Variants in FGF12 observed in about 807,000 individuals in gnomAD.
FGF12 encodes the protein fibroblast growth factor 12B.
FGF12 carries 14 observed loss-of-function variants against 23.6 expected under a neutral mutation model. That is an observed-to-expected ratio of 0.59 (90% CI 0.39 to 0.93). The LOEUF (loss-of-function observed/expected upper bound fraction) is 0.93, where lower values mean the gene tolerates loss of function less well. Ranked by LOEUF, FGF12 falls within the 40% of genes least tolerant of loss-of-function variation. FGF12 has a pLI of 0.00. For missense variants in FGF12, 175 were observed against 217.8 expected (o/e 0.80, Z 1.24); for synonymous variants, 62 against 77.3 (o/e 0.80, Z 1.04).
At chr3:192,515,408 G>C (rs1187358395) in intron 2 of FGF12, 2 of 152,978 alleles carry the variant, frequency 1.3e-5, no homozygotes, top group Non-Finnish European at 1.5e-5. Context: ...GAAAGCTCCT[G>C]GGTGCCGGCT....
chr3:192,691,334 A>G (rs1717936919), intron 2 of FGF12, among the ~76,000 whole-genome samples: 1 of 152,148 alleles, frequency 6.6e-6, no homozygotes, highest in East Asian at 1.9e-4. Context: ...CATATTAAGT[A>G]TCTTTTCCAA....
intron 2 of FGF12, among the ~76,000 whole-genome samples, chr3:192,460,515 C>T (rs1333377458): frequency 5.9e-5 from 9 of 151,916 alleles, no homozygotes; most frequent in Admixed American, 4.6e-4. Flanking sequence ...CACATAAGTG[C>T]CTTTAAACCC....
chr3:192,695,730 C>A (rs1214640584), intron 2 of FGF12, among the ~76,000 whole-genome samples: 2 of 151,990 alleles, frequency 1.3e-5, no homozygotes, highest in Non-Finnish European at 2.9e-5. Context: ...GGTTGTTTAC[C>A]CAGCAGACTA....
chr3:192,358,289 T>A (rs1255063843), intron 3 of FGF12, among the ~76,000 whole-genome samples: 3 of 152,004 alleles, frequency 2.0e-5, no homozygotes, highest in African/African-American at 7.2e-5. Context: ...TTAAAGCTAG[T>A]GGTAGGTATC....
Position 192,184,618 on chromosome 3 carries a change from T to G in FGF12, c.229-13962A>C, listed in dbSNP as rs77812999. 3.3e-3 allele frequency among the ~76,000 whole-genome samples: 505 copies of G among 152,322 alleles called. 8 individuals carry two copies. The highest frequency in any genetic ancestry group is 0.031 in the East Asian group (163 of 5,182). On this transcript the variant is annotated intron_variant, in intron 4 of 5. Coordinates refer to ENST00000445105, the MANE Select transcript of FGF12 (RefSeq NM_004113.6). The stretch of plus-strand genomic sequence containing the variant: ...AGGCCAATCCAACTCTGAAAATCAA[T>G]AGCCGTACTGCTACCTAATGATGCT...
At chr3:192,496,875 T>G (rs2108830030) in intron 2 of FGF12, among the ~76,000 whole-genome samples, 1 of 152,338 alleles carries the variant, frequency 6.6e-6, no homozygotes, top group South Asian at 2.1e-4. Context: ...CTTCTGGGTT[T>G]TTGGTAGGAT....
intron 2 of FGF12, among the ~76,000 whole-genome samples, chr3:192,718,725 C>T (rs1392619563): frequency 6.6e-6 from 1 of 152,134 alleles, no homozygotes; most frequent in Non-Finnish European, 1.5e-5. Flanking sequence ...GCACTTTTTT[C>T]CTCTTAGTGC....
At chr3:192,687,575 C>T (rs760022001) in intron 2 of FGF12, among the ~76,000 whole-genome samples, 5 of 152,098 alleles carry the variant, frequency 3.3e-5, no homozygotes, top group Admixed American at 6.5e-5. Context: ...AAAGGAGCTC[C>T]GGCCCAGGGG....
chr3:192,188,029 C>A (rs1241521114), intron 4 of FGF12, among the ~76,000 whole-genome samples: 1 of 152,120 alleles, frequency 6.6e-6, no homozygotes, highest in Non-Finnish European at 1.5e-5. Context: ...CAGAGACATT[C>A]CAGTGAAACA....
chr3:192,322,202 A>C (rs1716582386), intron 4 of FGF12, among the ~76,000 whole-genome samples: 1 of 152,098 alleles, frequency 6.6e-6, no homozygotes, highest in Admixed American at 6.5e-5. Flanking sequence ...AAGAAATTTA[A>C]AAAAATCAAT....
At chr3:192,302,002 A>G (rs1293981992) in intron 4 of FGF12, among the ~76,000 whole-genome samples, 4 of 152,228 alleles carry the variant, frequency 2.6e-5, no homozygotes, top group Non-Finnish European at 5.9e-5. Context: ...AGAGAATAAG[A>G]GAAACCCTAT....
chr3:192,141,135 A>AAC lies in FGF12; in HGVS notation c.*2873_*2874insGT, dbSNP rs1433936158. ...AAAATCCCAATGCAACTCCAAAAAA[A>AAC]AAAAAAAAAAAAAAAAAAAGCTTAT... On this transcript the variant is annotated 3_prime_UTR_variant, in exon 6 of 6. Transcript: ENST00000445105. The AAC allele has an allele frequency of 1.4e-5, 2 of 146,966 alleles. No individual in the cohort carries two copies. The highest frequency in any genetic ancestry group is 5.1e-5 in the African/African-American group (2 of 39,472). The allele number at this position is 146,966 out of a possible 1,614,324, so 9.1% of individuals were successfully genotyped here.
At chr3:192,259,324 G>T (rs1177700733) in intron 4 of FGF12, among the ~76,000 whole-genome samples, 1 of 152,068 alleles carries the variant, frequency 6.6e-6, no homozygotes, top group South Asian at 2.1e-4. Flanking sequence ...TATTTTGGGG[G>T]TGATGAATAA....
At chr3:192,604,086 C>A (rs1158928796) in intron 2 of FGF12, among the ~76,000 whole-genome samples, 1 of 152,182 alleles carries the variant, frequency 6.6e-6, no homozygotes, top group East Asian at 1.9e-4. Context: ...TACTTCCCTA[C>A]TTGCACGTTC....
At chr3:192,265,986 G>T (rs546744007) in intron 4 of FGF12, among the ~76,000 whole-genome samples, 3 of 152,274 alleles carry the variant, frequency 2.0e-5, no homozygotes, top group Admixed American at 1.3e-4. Flanking sequence ...TCATAGGAAA[G>T]AATTCATTTA....
intron 2 of FGF12, among the ~76,000 whole-genome samples, chr3:192,535,869 C>T (rs1685635909): frequency 6.6e-6 from 1 of 152,080 alleles, no homozygotes; most frequent in South Asian, 2.1e-4. Flanking sequence ...TTCTAGAGCT[C>T]ATTCATTCAA....
chr3:192,610,086 T>C (rs1301807455), intron 2 of FGF12, among the ~76,000 whole-genome samples: 1 of 152,060 alleles, frequency 6.6e-6, no homozygotes, highest in African/African-American at 2.4e-5. Flanking sequence ...TTGGTGCCAC[T>C]ATCATATATA....
intron 2 of FGF12, among the ~76,000 whole-genome samples, chr3:192,618,295 T>C (rs539061530): frequency 6.6e-5 from 10 of 151,570 alleles, no homozygotes; most frequent in African/African-American, 2.2e-4. Flanking sequence ...AACCAGAGAA[T>C]GCTACTGCTG....
At chr3:192,626,425 G>A (rs1577085811) in intron 2 of FGF12, among the ~76,000 whole-genome samples, 1 of 152,102 alleles carries the variant, frequency 6.6e-6, no homozygotes, top group East Asian at 1.9e-4. Context: ...TCCATTCAAA[G>A]ACTCTGTCAC....
Sources: allele counts gnomAD v4.1 joint callset (sites outside exome capture counted in the v4.1 genomes callset), GRCh38; gene constraint gnomAD v4.1.1; transcripts MANE v1.5; gene names NCBI Gene and HGNC (gene_info 2026-07-23, HGNC 2026-07-21).